OCLN: variants seen among roughly 807,000 people sequenced by gnomAD.
OCLN encodes the protein phosphatase 1, regulatory subunit 115.
OCLN carries 21 observed loss-of-function variants against 47.9 expected under a neutral mutation model. The observed-to-expected ratio is 0.44, with a 90% CI of 0.31 to 0.63. The LOEUF (loss-of-function observed/expected upper bound fraction) is 0.63, where lower values mean the gene tolerates loss of function less well. Ranked by LOEUF, OCLN falls within the 30% of genes least tolerant of loss-of-function variation. OCLN has a pLI of 0.08. For synonymous variants in OCLN, 117 were observed against 198.4 expected, an observed-to-expected ratio of 0.59 and a Z score of 3.45; for missense variants, 360 against 571.0, an observed-to-expected ratio of 0.63 and a Z score of 3.77.
intron 4 of OCLN, among the ~76,000 whole-genome samples, chr5:69,527,169 C>T (rs1231248743): frequency 6.6e-6 from 1 of 151,944 alleles, no homozygotes; most frequent in Non-Finnish European, 1.5e-5. Context: ...CCCAGCTACT[C>T]AGGAGGCTGA....
At position 69,509,639 on chromosome 5, in the gene OCLN, C is replaced by T. The variant is rs775314381; in HGVS notation, c.549C>T (p.Gly183=). ...TGATAATAGTGAGTGCTATCCTGGGCATCATGGTGTTTATTGCCACAATTG... is the reference window on the plus strand; with the variant it reads ...TGATAATAGTGAGTGCTATCCTGGGTATCATGGTGTTTATTGCCACAATTG... ...LSVIIVSAIL[G]IMVFIATIVY... is the part of the protein sequence containing the mutation. The change falls in exon 3 of 9, where the codon GGC becomes GGT. Residue 183 remains glycine, a synonymous_variant. Coordinates refer to ENST00000396442, the MANE Select transcript of OCLN (RefSeq NM_001205254.2). 1 of 1,614,188 alleles carries T rather than the reference C, an allele frequency of 6.2e-7. No homozygotes were observed. The highest frequency in any genetic ancestry group is 8.5e-7 in the Non-Finnish European group (1 of 1,180,016).
At chr5:69,538,055 G>T in intron 5 of OCLN, among the ~76,000 whole-genome samples, 1 of 135,880 alleles carries the variant, frequency 7.4e-6, no homozygotes, top group Non-Finnish European at 1.6e-5. Flanking sequence ...AAAATATAGT[G>T]TAAATACATA....
At chr5:69,504,075 G>C (rs1768529507) in intron 1 of OCLN, 102 bp from the exon 2 acceptor site, 3 of 653,016 alleles carry the variant, frequency 4.6e-6, no homozygotes, top group Non-Finnish European at 8.4e-6. Flanking sequence ...ACTCCAGCCT[G>C]GGTGACAGGG....
intron 4 of OCLN, among the ~76,000 whole-genome samples, chr5:69,524,193 A>G (rs143620611): frequency 5.9e-5 from 9 of 152,308 alleles, no homozygotes; most frequent in African/African-American, 1.9e-4. Context: ...GATTAATTCA[A>G]TTCTTAGTTT....
intron 4 of OCLN, among the ~76,000 whole-genome samples, chr5:69,533,238 TA>T (rs1769497464): frequency 6.6e-6 from 1 of 151,978 alleles, no homozygotes; most frequent in South Asian, 2.1e-4. Flanking sequence ...AATATTGACC[TA>T]GGGGAAGAAG....
At chr5:69,509,851 C>T (rs944565187) in intron 3 of OCLN, 32 bp downstream of exon 3, 2 of 1,539,154 alleles carry the variant, frequency 1.3e-6, no homozygotes, top group Non-Finnish European at 1.8e-6. Context: ...TTTTCTCCAT[C>T]TCCTTAGCAG....
Position 69,557,541 on chromosome 5 carries a change from A to T in OCLN, c.*3870A>T, listed in dbSNP as rs983616015. On this transcript the variant is annotated 3_prime_UTR_variant, in exon 9 of 9. Transcript: ENST00000396442. Reference sequence around the variant, plus strand: ...ATTGATCTGTGCTGGGTGCAGCCTTAGAATGTAAATTCTTTTGAATTCTAG... The same window carrying T: ...ATTGATCTGTGCTGGGTGCAGCCTTTGAATGTAAATTCTTTTGAATTCTAG... 395 of 79,028 alleles carry T rather than the reference A, an allele frequency of 5.0e-3. 62 individuals carry two copies. The highest frequency in any genetic ancestry group is 0.011 in the African/African-American group (388 of 34,552). 4.9% of individuals were successfully genotyped at this position (79,028 alleles called of 1,614,324 possible).
intron 4 of OCLN, among the ~76,000 whole-genome samples, chr5:69,531,971 A>G (rs1359935541): frequency 1.3e-5 from 2 of 152,166 alleles, no homozygotes; most frequent in Admixed American, 6.5e-5. Context: ...GTCTTCTGCC[A>G]CCTCCAAATT....
intron 3 of OCLN, among the ~76,000 whole-genome samples, chr5:69,510,903 C>T (rs548074993): frequency 5.3e-5 from 8 of 152,284 alleles, no homozygotes; most frequent in African/African-American, 1.7e-4. Flanking sequence ...CACATCCTCA[C>T]CAACACTTGT....
chr5:69,515,366 G>A (rs1281484021), intron 4 of OCLN, among the ~76,000 whole-genome samples: 1 of 128,038 alleles, frequency 7.8e-6, no homozygotes, highest in Admixed American at 7.7e-5. Flanking sequence ...CGGGCAGAGG[G>A]GCCCCTCACC....
rs1768213285 is a variant in OCLN, at chr5:69,493,798, G to T, written c.-69+898G>T. ...GCGCGCCAGCCATGTTGCCTGCGTC[G>T]GAGGAAGCGTGCGGGGAGCAGGGGT... On this transcript the variant is annotated intron_variant, in intron 1 of 8. Coordinates refer to ENST00000396442, the MANE Select transcript of OCLN (RefSeq NM_001205254.2). This position sits in a 1 kb window ranked among gnomAD's most constrained non-coding sequence, Gnocchi z 5.3. 6.6e-6 allele frequency among the ~76,000 whole-genome samples: 1 copy of T among 152,202 alleles called. No individual in the cohort carries two copies. Among genetic ancestry groups the T allele is most frequent in the African/African-American group, 2.4e-5 (1 of 41,460 alleles).
chr5:69,498,181 A>G (rs144104028), intron 1 of OCLN, among the ~76,000 whole-genome samples: 2,438 of 152,108 alleles, frequency 0.016, 69 homozygotes, highest in Admixed American at 0.085. Context: ...ATACTGTACT[A>G]TGGAATTGAC....
At chr5:69,503,026 C>T (rs903672980) in intron 1 of OCLN, among the ~76,000 whole-genome samples, 4 of 152,232 alleles carry the variant, frequency 2.6e-5, no homozygotes, top group African/African-American at 9.6e-5. Context: ...CTTCACATCT[C>T]TTTCTGACCC....
At chr5:69,524,690 T>C (rs193195658) in intron 4 of OCLN, among the ~76,000 whole-genome samples, 1 of 152,340 alleles carries the variant, frequency 6.6e-6, no homozygotes, top group Non-Finnish European at 1.5e-5. Context: ...TTTTATTTTT[T>C]ATTTATTTAT....
At chr5:69,536,368 A>C (rs1490382742) in intron 5 of OCLN, among the ~76,000 whole-genome samples, 1 of 140,332 alleles carries the variant, frequency 7.1e-6, no homozygotes, top group Non-Finnish European at 1.6e-5. Context: ...TTTTGTAATA[A>C]CACTTAAAAC....
At chr5:69,516,379 C>T (rs1768970145) in intron 4 of OCLN, among the ~76,000 whole-genome samples, 4 of 152,240 alleles carry the variant, frequency 2.6e-5, no homozygotes, top group Non-Finnish European at 4.4e-5. Context: ...CGCCTGCAAT[C>T]GCAGGCACTC....
chr5:69,514,743 C>T (rs1768880905), intron 4 of OCLN, among the ~76,000 whole-genome samples: 1 of 152,122 alleles, frequency 6.6e-6, no homozygotes, highest in Non-Finnish European at 1.5e-5. Context: ...AGCATACTGC[C>T]TTCAAGCATC....
chr5:69,533,809 C>A (rs999475643), intron 4 of OCLN, among the ~76,000 whole-genome samples: 1 of 152,098 alleles, frequency 6.6e-6, no homozygotes, highest in East Asian at 1.9e-4. Flanking sequence ...CATGCCACCA[C>A]GCCCAGCTAA....
At chr5:69,521,231 GT>G (rs1305134247) in intron 4 of OCLN, among the ~76,000 whole-genome samples, 1 of 152,166 alleles carries the variant, frequency 6.6e-6, no homozygotes, top group African/African-American at 2.4e-5. Context: ...TAAAAACTTT[GT>G]TTTGTGAACA....
Sources: gnomAD v4.1 joint callset for allele counts (sites outside exome capture counted in the v4.1 genomes callset) on GRCh38, gnomAD v4.1.1 for gene constraint, Gnocchi (gnomAD v3.1) non-coding constraint, MANE v1.5 for transcripts, NCBI Gene and HGNC (gene_info 2026-07-23, HGNC 2026-07-21) for gene names.